The following NDRG2 variants were observed in gnomAD, a reference collection of about 807,000 sequenced individuals.
NDRG2 encodes NDRG family member 2.
A neutral mutation model predicts 58.2 loss-of-function variants in NDRG2; 34 were observed. The observed-to-expected ratio is 0.58, with a 90% CI of 0.44 to 0.78. The LOEUF is 0.78. NDRG2 is among the 30% of genes least tolerant of loss of function. NDRG2 has a pLI of 0.00. For missense variants in NDRG2, 434 were observed against 471.2 expected, an observed-to-expected ratio of 0.92 and a Z score of 0.73; for synonymous variants, 187 against 175.9, an observed-to-expected ratio of 1.06 and a Z score of -0.50.
chr14:21,019,138 G>T lies in NDRG2; in HGVS notation c.739C>A (p.Arg247Ser). ...YNNRRDLNFE[R>S]GGDITLRCPV... ...TACCTGAGGGTGATATCACCTCCAC[G>T]CTCAAAGTTCAGGTCTCGGCGGCTA... The change falls in exon 11 of 16, where the codon CGT becomes AGT. Residue 247 changes from arginine to serine, a missense_variant. Physicochemically the swap from Arg to Ser is moderately radical, Grantham distance 110. Transcript: ENST00000556147. 6.2e-7 allele frequency: 1 copy of T among 1,611,704 alleles called. No homozygotes were observed. The highest frequency in any genetic ancestry group is 8.5e-7 in the Non-Finnish European group (1 of 1,179,252).
chr14:21,018,520 G>A lies in NDRG2; in HGVS notation c.814-16C>T. On this transcript the variant is annotated splice_polypyrimidine_tract_variant and intron_variant, in intron 12 of 15. Coordinates refer to ENST00000556147, the MANE Select transcript of NDRG2 (RefSeq NM_001320329.2). ...TACATTCCACCTGGAGTAAGCAGGA[G>A]GCTGAATGAATGAGGTCACGCCCAC... 1 of 1,613,694 alleles carries A rather than the reference G, an allele frequency of 6.2e-7. No homozygotes were observed. The highest frequency in any genetic ancestry group is 1.1e-5 in the South Asian group (1 of 91,000).
At chr14:21,022,815 G>T in intron 3 of NDRG2, 49 bp downstream of exon 3, 1 of 1,589,704 alleles carries the variant, frequency 6.3e-7, no homozygotes, top group Non-Finnish European at 8.6e-7. Flanking sequence ...TTCTACTGGG[G>T]AAGAGGACAG....
rs1566445455 is a variant in NDRG2 at position 21,016,921 on chromosome 14, C to T, written c.*675G>A. The stretch of plus-strand genomic sequence containing the variant: ...CAGCCCAGCCCAAGCTTAGCTCCCT[C>T]CCCAGTCCCACTCTAGATGCACACT... On this transcript the variant is annotated 3_prime_UTR_variant, in exon 16 of 16. Transcript: ENST00000556147. The T allele has an allele frequency of 2.2e-6, 1 of 456,660 alleles. No homozygotes were observed. Among genetic ancestry groups the T allele is most frequent in the Non-Finnish European group, 4.4e-6 (1 of 226,798 alleles). The allele number at this position is 456,660 out of a possible 1,614,324, so 28.3% of individuals were successfully genotyped here. A position where few individuals can be genotyped will look rare whatever the true frequency, so the allele number is the denominator to read the frequency against.
At position 21,017,215 on chromosome 14, in the gene NDRG2, C is replaced by T. The variant is rs1877264036; in HGVS notation, c.*381G>A. On this transcript the variant is annotated 3_prime_UTR_variant, in exon 16 of 16. Transcript: ENST00000556147. Reference sequence around the variant, plus strand: ...GAATGGAGCCCCAGCCCCAAATCCCCTCCCCTTGCAAATATGGGACAAGTA... The same window carrying T: ...GAATGGAGCCCCAGCCCCAAATCCCTTCCCCTTGCAAATATGGGACAAGTA... 2.7e-6 allele frequency: 1 copy of T among 368,290 alleles called. No homozygotes were observed. The highest frequency in any genetic ancestry group is 2.1e-5 in the African/African-American group (1 of 47,300). The allele number at this position is 368,290 out of a possible 1,614,324, so 22.8% of individuals were successfully genotyped here.
chr14:21,046,551 A>C (rs202160077), intron 1 of NDRG2, among the ~76,000 whole-genome samples: 3 of 142,044 alleles, frequency 2.1e-5, no homozygotes, highest in East Asian at 4.2e-4. Flanking sequence ...AAATACATAC[A>C]TACATACATA....
At chr14:21,025,694 C>T (rs1011654355), upstream of NDRG2, 19 of 983,634 alleles carry the variant, frequency 1.9e-5, no homozygotes, top group South Asian at 8.0e-4. The surrounding 1 kb of genome is among the most constrained non-coding windows in gnomAD (Gnocchi z 5.1). Flanking sequence ...CTCTTTGCTG[C>T]GTCCCGACGC....
chr14:21,059,145 G>A (rs1181692983), intron 1 of NDRG2, among the ~76,000 whole-genome samples: 1 of 152,198 alleles, frequency 6.6e-6, no homozygotes, highest in Non-Finnish European at 1.5e-5. Context: ...ACCCCCTTGT[G>A]TGTGCGCAAG....
rs1886748129 is a variant in NDRG2, at chr14:21,070,865, C to T, written c.-14G>A. On this transcript the variant is annotated 5_prime_UTR_variant, in exon 1 of 15. Coordinates refer to the NDRG2 transcript ENST00000403829. The surrounding 1 kb of genome is among the most constrained non-coding windows in gnomAD (Gnocchi z 4.7). ...ACCATTTTCCATCCCTGTCCCCAACCCGGTGAGGCAGGCCCACCCATCCGG... is the reference window on the plus strand; with the variant it reads ...ACCATTTTCCATCCCTGTCCCCAACTCGGTGAGGCAGGCCCACCCATCCGG... 1 of 1,535,650 alleles carries T rather than the reference C, an allele frequency of 6.5e-7. No homozygotes were observed. Among genetic ancestry groups the T allele is most frequent in the Non-Finnish European group, 8.7e-7 (1 of 1,146,858 alleles).
Position 21,033,725 on chromosome 14 carries a change from T to TA in NDRG2, c.25-10405dup, listed in dbSNP as rs760686869. The TA allele has an allele frequency of 9.7e-6, 9 of 925,390 alleles. No individual in the cohort carries two copies. The Admixed American group carries it at 1.5e-4, about 16-fold the overall frequency. 57.3% of individuals were successfully genotyped at this position (925,390 alleles called of 1,614,324 possible). ...TTGGGAGGGGACCCTGCCTGCCTCG[T>TA]AAGTCAGGAAGGAAGTCTTGTTACA... On this transcript the variant is annotated intron_variant, in intron 1 of 14. Transcript: ENST00000403829.
At chr14:21,025,808 G>C, upstream of NDRG2, 6 of 785,622 alleles carry the variant, frequency 7.6e-6, no homozygotes, top group Non-Finnish European at 9.3e-6. This position sits in a 1 kb window ranked among gnomAD's most constrained non-coding sequence, Gnocchi z 5.1. Context: ...GGGCAGGCGG[G>C]GGGTGGGGAG....
upstream of NDRG2, chr14:21,025,636 G>C (rs1883473720): frequency 2.0e-6 from 2 of 985,342 alleles, no homozygotes; most frequent in African/African-American, 3.5e-5. The surrounding 1 kb of genome is among the most constrained non-coding windows in gnomAD (Gnocchi z 5.1). Flanking sequence ...AACGTCGAGG[G>C]CGCAGGAGTT....
At chr14:21,023,629 G>A (rs1882097779) in intron 1 of NDRG2, 3 of 348,352 alleles carry the variant, frequency 8.6e-6, no homozygotes, top group Non-Finnish European at 1.6e-5. Context: ...GGGTGGGGCA[G>A]AAGTGTAGCT....
At chr14:21,036,904 C>G (rs928275163) in intron 1 of NDRG2, among the ~76,000 whole-genome samples, 16 of 152,220 alleles carry the variant, frequency 1.1e-4, no homozygotes, top group African/African-American at 3.9e-4. Flanking sequence ...AACAAGACAA[C>G]ACTGAGCGGG....
At chr14:21,018,129 G>T in intron 14 of NDRG2, 75 bp downstream of exon 14, 1 of 1,602,776 alleles carries the variant, frequency 6.2e-7, no homozygotes, top group South Asian at 1.1e-5. Flanking sequence ...GGCCGGGTGT[G>T]TGGCAAAGGG....
At chr14:21,051,781 A>C (rs1466698334) in intron 1 of NDRG2, among the ~76,000 whole-genome samples, 1 of 152,194 alleles carries the variant, frequency 6.6e-6, no homozygotes, top group African/African-American at 2.4e-5. Context: ...CAGGTCTGTC[A>C]CCACCAGGAG....
chr14:21,029,338 C>T (rs1256712575), upstream of NDRG2: 1 of 152,226 alleles, frequency 6.6e-6, no homozygotes, highest in Non-Finnish European at 1.5e-5. Context: ...CAGTGGGTCA[C>T]ACCTGTAATC....
chr14:21,070,187 G>A lies in NDRG2; in HGVS notation c.24+641C>T, dbSNP rs1391576897. ...AGGGGTCCCGCGCGGAGGCGGGGGC[G>A]GGCGCTGAAGGGCGGGGCGGGGAGG... On this transcript the variant is annotated intron_variant, in intron 1 of 14. Transcript: ENST00000403829. The surrounding 1 kb of genome is among the most constrained non-coding windows in gnomAD (Gnocchi z 4.7). 8 of 275,830 alleles carry A rather than the reference G, an allele frequency of 2.9e-5. No homozygotes were observed. In the East Asian group the frequency reaches 6.7e-4, roughly 23 times the overall value. The allele number at this position is 275,830 out of a possible 1,614,324, so 17.1% of individuals were successfully genotyped here. A position where few individuals can be genotyped will look rare whatever the true frequency, so the allele number is the denominator to read the frequency against.
chr14:21,032,417 A>G (rs368609982), intron 1 of NDRG2: 1 of 437,518 alleles, frequency 2.3e-6, no homozygotes. Context: ...CACATTACTG[A>G]TATCCACCTC....
upstream of NDRG2, among the ~76,000 whole-genome samples, chr14:21,026,477 C>A (rs1286758723): frequency 7.0e-6 from 1 of 143,818 alleles, no homozygotes; most frequent in Non-Finnish European, 1.5e-5. Context: ...CCCCAAGTTT[C>A]CCTGCCCCCT....
Sources: gnomAD v4.1 joint callset for allele counts (sites outside exome capture counted in the v4.1 genomes callset) on GRCh38, gnomAD v4.1.1 for gene constraint, Gnocchi (gnomAD v3.1) non-coding constraint, MANE v1.5 for transcripts, NCBI Gene and HGNC (gene_info 2026-07-23, HGNC 2026-07-21) for gene names.